The following KIF1B variants were observed in gnomAD, a reference collection of about 807,000 sequenced individuals.
The protein encoded by KIF1B is kinesin family member 1B, also known as kinesin-like protein KIF1B.
A neutral mutation model predicts 241.9 loss-of-function variants in KIF1B; 76 were observed. That is an observed-to-expected ratio of 0.31 (90% CI 0.26 to 0.38). The LOEUF is 0.38. KIF1B is among the 10% of genes least tolerant of loss of function. KIF1B has a pLI of 1.00. For synonymous variants in KIF1B, 750 were observed against 796.7 expected, an observed-to-expected ratio of 0.94 and a Z score of 0.99; for missense variants, 1,622 against 2,271.4, an observed-to-expected ratio of 0.71 and a Z score of 5.81.
rs763558438 is a variant in KIF1B, at chr1:10,365,483, G to C, written c.4587G>C (p.Ser1529=). 4.3e-6 allele frequency: 7 copies of C among 1,613,940 alleles called. No individual in the cohort carries two copies. The Middle Eastern group carries it at 6.6e-4, about 152-fold the overall frequency. The change falls in exon 43 of 49, where the codon TCG becomes TCC. Residue 1529 remains serine (S), a synonymous_variant. Coordinates refer to ENST00000676179, the MANE Select transcript of KIF1B (RefSeq NM_001365951.3). This position sits in a 1 kb window ranked among gnomAD's most constrained non-coding sequence, Gnocchi z 4.0. ...GDSIPKSLSD[S]LSPSLSSGTL... ...GCATCCCCAAATCCCTGAGCGACTCGTTATCCCCCAGCCTCAGCAGTGGGA... is the reference window on the plus strand; with the variant it reads ...GCATCCCCAAATCCCTGAGCGACTCCTTATCCCCCAGCCTCAGCAGTGGGA...
chr1:10,255,667 A>G (rs1172988067), intron 2 of KIF1B, among the ~76,000 whole-genome samples: 1 of 152,216 alleles, frequency 6.6e-6, no homozygotes, highest in Non-Finnish European at 1.5e-5. Context: ...AAACATTGTC[A>G]CAGAATATTT....
intron 22 of KIF1B, among the ~76,000 whole-genome samples, chr1:10,315,829 G>T (rs1363814522): frequency 6.6e-6 from 1 of 151,236 alleles, no homozygotes; most frequent in Non-Finnish European, 1.5e-5. Context: ...GCCGAGACGG[G>T]TGGATCACCT....
intron 23 of KIF1B, among the ~76,000 whole-genome samples, chr1:10,321,030 T>G (rs1569819355): frequency 6.6e-6 from 1 of 151,564 alleles, no homozygotes; most frequent in African/African-American, 2.4e-5. Context: ...AGTGAGATGG[T>G]ACCTTTTTTC....
chr1:10,283,031 C>A (rs1052716296), intron 15 of KIF1B, among the ~76,000 whole-genome samples: 1 of 151,756 alleles, frequency 6.6e-6, no homozygotes, highest in African/African-American at 2.4e-5. Context: ...CACGGTGAGA[C>A]CCTGTCTCTA....
chr1:10,367,003 A>G (rs1283618350), intron 43 of KIF1B, among the ~76,000 whole-genome samples: 1 of 152,166 alleles, frequency 6.6e-6, no homozygotes, highest in Non-Finnish European at 1.5e-5. Flanking sequence ...GCAGCAATAA[A>G]GAGAATGGAT....
intron 22 of KIF1B, chr1:10,305,189 C>G (rs577758208): frequency 1.9e-6 from 2 of 1,047,594 alleles, no homozygotes; most frequent in South Asian, 9.0e-5. Flanking sequence ...TAAGCCAAAA[C>G]TAAAGGTCTT....
Position 10,308,362 on chromosome 1 carries a change from G to A in KIF1B, c.2115+11116G>A, listed in dbSNP as rs1034347831. On this transcript the variant is annotated intron_variant, in intron 22 of 48. Transcript: ENST00000676179. The stretch of plus-strand genomic sequence containing the variant: ...AATCTGTTCTAGATATTCTTAGCTT[G>A]AACCACTTTTGATTGTGAAATGTAT... 12 of 1,052,116 alleles carry A rather than the reference G, an allele frequency of 1.1e-5. No individual in the cohort carries two copies. In the African/African-American group the frequency reaches 2.0e-4, roughly 17 times the overall value. 65.2% of individuals were successfully genotyped at this position (1,052,116 alleles called of 1,614,324 possible). A position where few individuals can be genotyped will look rare whatever the true frequency, so the allele number is the denominator to read the frequency against.
chr1:10,311,481 G>A (rs916774772), intron 22 of KIF1B, among the ~76,000 whole-genome samples: 9 of 151,226 alleles, frequency 6.0e-5, no homozygotes, highest in Non-Finnish European at 1.2e-4. Context: ...CCAAAGTGCT[G>A]GGATTACGGG....
Position 10,261,996 on chromosome 1 carries a change from G to A in KIF1B, c.429+26G>A, listed in dbSNP as rs4846209. ...GTGAGTACAGCCGTGAGTTGACACC[G>A]TAAGCCCTTGTTTTCCATTCTCTCA... On this transcript the variant is annotated intron_variant, in intron 5 of 48. Coordinates refer to ENST00000676179, the MANE Select transcript of KIF1B (RefSeq NM_001365951.3). 0.34 allele frequency: 514,418 copies of A among 1,494,856 alleles called. 89,234 individuals carry two copies. The highest frequency in any genetic ancestry group is 0.39 in the Admixed American group (23,044 of 59,596). 92.6% of individuals were successfully genotyped at this position (1,494,856 alleles called of 1,614,324 possible).
At chr1:10,219,516 G>T (rs1015104148) in intron 1 of KIF1B, among the ~76,000 whole-genome samples, 1 of 151,860 alleles carries the variant, frequency 6.6e-6, no homozygotes, top group Non-Finnish European at 1.5e-5. Flanking sequence ...CAGCACTTCG[G>T]GAGGCCGAGG....
intron 22 of KIF1B, among the ~76,000 whole-genome samples, chr1:10,308,898 A>C (rs1344392405): frequency 1.3e-5 from 2 of 152,206 alleles, no homozygotes; most frequent in Non-Finnish European, 2.9e-5. Context: ...ATTTGAGTTT[A>C]GTTTAACCAT....
At position 10,363,333 on chromosome 1, in the gene KIF1B, C is replaced by T; in HGVS notation, c.4355C>T (p.Thr1452Ile). Reference sequence around the variant, plus strand: ...CTCAGCTTATGCAAAATGTCAGACACAGGTAGTCCAGGTAAGCTCTTGTGG... The same window carrying T: ...CTCAGCTTATGCAAAATGTCAGACATAGGTAGTCCAGGTAAGCTCTTGTGG... ...YELSLCKMSD[T>I]GSPGMQRRRR... Residue 1452 changes from threonine (T) to isoleucine (I), a missense_variant, in exon 41 of 49, where the codon ACA becomes ATA. By Grantham distance (89) the Thr-to-Ile change is moderately conservative. This residue lies in a region of KIF1B where 803 missense variants were observed against 1,112.0 expected (regional missense o/e 0.72). Transcript: ENST00000676179. 6.2e-7 allele frequency: 1 copy of T among 1,611,358 alleles called. No individual in the cohort carries two copies.
At chr1:10,338,108 T>C (rs1652250332) in intron 31 of KIF1B, among the ~76,000 whole-genome samples, 1 of 152,182 alleles carries the variant, frequency 6.6e-6, no homozygotes, top group South Asian at 2.1e-4. Flanking sequence ...AACATTTTTT[T>C]GTGAATCTTC....
At chr1:10,289,237 C>T (rs1218958939) in intron 15 of KIF1B, among the ~76,000 whole-genome samples, 1 of 152,130 alleles carries the variant, frequency 6.6e-6, no homozygotes, top group Non-Finnish European at 1.5e-5. Flanking sequence ...CCTCACTCAG[C>T]CTTGATTCAC....
chr1:10,279,944 C>T (rs1240626254), intron 14 of KIF1B, among the ~76,000 whole-genome samples: 2 of 152,060 alleles, frequency 1.3e-5, no homozygotes, highest in African/African-American at 4.8e-5. Flanking sequence ...CTCAAGCAGT[C>T]CTCCTGCCTC....
intron 1 of KIF1B, among the ~76,000 whole-genome samples, chr1:10,228,497 G>A (rs1457565961): frequency 2.6e-5 from 4 of 152,164 alleles, no homozygotes; most frequent in African/African-American, 7.2e-5. Flanking sequence ...TGCTTTAGAG[G>A]GGTTGATCTT....
At chr1:10,223,620 C>T (rs1189537140) in intron 1 of KIF1B, among the ~76,000 whole-genome samples, 2 of 147,870 alleles carry the variant, frequency 1.4e-5, no homozygotes, top group African/African-American at 5.0e-5. Context: ...GATCTTGGCT[C>T]ACTGCAACCT....
At chr1:10,212,931 T>TACAC (rs1345755989) in intron 1 of KIF1B, among the ~76,000 whole-genome samples, 9 of 86,492 alleles carry the variant, frequency 1.0e-4, no homozygotes, top group Non-Finnish European at 1.4e-4. Flanking sequence ...TATATATATA[T>TACAC]ACACACACAC....
chr1:10,377,031 T>C lies in KIF1B; in HGVS notation c.*444T>C. ...TTGTTTTTCAAGACAACATACTTTT[T>C]TTTTCTTTTCTCTGTTTGTGATATC... On this transcript the variant is annotated 3_prime_UTR_variant, in exon 49 of 49. Coordinates refer to ENST00000676179, the MANE Select transcript of KIF1B (RefSeq NM_001365951.3). 1 of 257,238 alleles carries C rather than the reference T, an allele frequency of 3.9e-6. No homozygotes were observed. The highest frequency in any genetic ancestry group is 7.7e-6 in the Non-Finnish European group (1 of 130,250). The allele number at this position is 257,238 out of a possible 1,614,324, so 15.9% of individuals were successfully genotyped here. A position where few individuals can be genotyped will look rare whatever the true frequency, so the allele number is the denominator to read the frequency against.
Sources: gnomAD v4.1 joint callset for allele counts (sites outside exome capture counted in the v4.1 genomes callset) on GRCh38, gnomAD v4.1.1 for gene constraint, gnomAD v4.1.1 regional missense constraint, Gnocchi (gnomAD v3.1) non-coding constraint, MANE v1.5 for transcripts, NCBI Gene and HGNC (gene_info 2026-07-23, HGNC 2026-07-21) for gene names.